SNTG2: variants seen among roughly 807,000 people sequenced by gnomAD.
The protein encoded by SNTG2 is syntrophin gamma 2.
A neutral mutation model predicts 70.9 loss-of-function variants in SNTG2; 74 were observed. That is an observed-to-expected ratio of 1.04 (90% CI 0.86 to 1.27). The LOEUF (loss-of-function observed/expected upper bound fraction) is 1.27, where lower values mean the gene tolerates loss of function less well. Ranked by LOEUF, SNTG2 falls within the 50% of genes most tolerant of loss-of-function variation. The pLI is 0.00. For synonymous variants in SNTG2, 278 were observed against 273.8 expected (o/e 1.02, Z -0.15); for missense variants, 717 against 690.7 (o/e 1.04, Z -0.43).
chr2:1,296,386 G>A (rs1199944898), intron 14 of SNTG2, among the ~76,000 whole-genome samples: 2 of 152,226 alleles, frequency 1.3e-5, no homozygotes, highest in East Asian at 1.9e-4. Context: ...AGAGTGAGGG[G>A]CAGAGGGTTG....
At chr2:1,294,737 G>C (rs954795698) in intron 14 of SNTG2, among the ~76,000 whole-genome samples, 6 of 151,750 alleles carry the variant, frequency 4.0e-5, no homozygotes, top group African/African-American at 1.5e-4. Context: ...ATTAACATAT[G>C]ATGAGAAATT....
At chr2:1,175,139 T>C (rs979531533) in intron 8 of SNTG2, among the ~76,000 whole-genome samples, 1 of 152,222 alleles carries the variant, frequency 6.6e-6, no homozygotes, top group Non-Finnish European at 1.5e-5. Context: ...TGAGATCTGC[T>C]TTTATTAAAG....
At chr2:1,159,936 A>G (rs1295408959) in intron 6 of SNTG2, among the ~76,000 whole-genome samples, 1 of 152,238 alleles carries the variant, frequency 6.6e-6, no homozygotes, top group East Asian at 1.9e-4. Flanking sequence ...AGGATTGAGG[A>G]TTCATTGAAG....
At chr2:1,127,821 T>C (rs1276753099) in intron 4 of SNTG2, among the ~76,000 whole-genome samples, 1 of 152,226 alleles carries the variant, frequency 6.6e-6, no homozygotes, top group Non-Finnish European at 1.5e-5. Flanking sequence ...TCTGTAACTT[T>C]ACTGAATTCA....
At chr2:1,096,477 C>T (rs148433288) in intron 2 of SNTG2, among the ~76,000 whole-genome samples, 5 of 152,072 alleles carry the variant, frequency 3.3e-5, no homozygotes, top group Admixed American at 6.5e-5. Context: ...TGGCCTGCAC[C>T]TCCGCCCCCC....
chr2:1,044,959 A>T (rs1416835901), intron 1 of SNTG2, among the ~76,000 whole-genome samples: 1 of 151,862 alleles, frequency 6.6e-6, no homozygotes, highest in African/African-American at 2.4e-5. Context: ...TAGCGTTGGT[A>T]CCAGCTCTTA....
chr2:1,189,508 G>C (rs115641477), intron 8 of SNTG2, among the ~76,000 whole-genome samples: 1,695 of 152,000 alleles, frequency 0.011, 30 homozygotes, highest in African/African-American at 0.039. Context: ...ACAGCATTCA[G>C]GATCACGTGA....
At chr2:1,017,074 A>C (rs1659918018) in intron 1 of SNTG2, among the ~76,000 whole-genome samples, 1 of 150,962 alleles carries the variant, frequency 6.6e-6, no homozygotes, top group African/African-American at 2.5e-5. Context: ...ACAGAAAAAG[A>C]AAATCTTGTG....
Position 1,051,890 on chromosome 2 carries a change from G to A in SNTG2, c.73-31628G>A, listed in dbSNP as rs544018254. ...TCCTGACATTCAGAGGCTGTTGGTT[G>A]TTGGATATTTTATTACACAACATTA... On this transcript the variant is annotated intron_variant, in intron 1 of 16. Transcript: ENST00000308624. 4.7e-4 allele frequency among the ~76,000 whole-genome samples: 71 copies of A among 152,312 alleles called. 1 individual carries two copies. In the South Asian group the frequency reaches 7.9e-3, roughly 17 times the overall value.
At chr2:1,194,250 G>T (rs112710248) in intron 8 of SNTG2, among the ~76,000 whole-genome samples, 15 of 152,326 alleles carry the variant, frequency 9.8e-5, no homozygotes, top group African/African-American at 2.9e-4. Flanking sequence ...CAGGATGGGG[G>T]GAGAAGCGCT....
At chr2:1,176,162 A>G (rs34229442) in intron 8 of SNTG2, among the ~76,000 whole-genome samples, 14,144 of 152,304 alleles carry the variant, frequency 0.093, 756 homozygotes, top group Middle Eastern at 0.16. Flanking sequence ...AGTTATTCAT[A>G]TGGTTAGCTC....
Position 1,271,658 on chromosome 2 carries a change from C to G in SNTG2, c.1284+4087C>G, listed in dbSNP as rs184694379. Among the ~76,000 whole-genome samples, 291 of 152,186 alleles carry G rather than the reference C, an allele frequency of 1.9e-3. 2 individuals carry two copies. Among genetic ancestry groups the G allele is most frequent in the African/African-American group, 6.8e-3 (283 of 41,530 alleles). On this transcript the variant is annotated intron_variant, in intron 14 of 16. Coordinates refer to ENST00000308624, the MANE Select transcript of SNTG2 (RefSeq NM_018968.4). ...GTCTAGATTGTGCCTCGGTGTGGCT[C>G]CCCTCCCAGTCATAAGATGCTTGTG...
At chr2:1,141,747 G>A (rs573487494) in intron 6 of SNTG2, among the ~76,000 whole-genome samples, 4 of 151,912 alleles carry the variant, frequency 2.6e-5, no homozygotes, top group East Asian at 2.0e-4. Flanking sequence ...CCAACGTGGA[G>A]GTTCCACCAG....
At chr2:1,131,437 T>C (rs528820609) in intron 4 of SNTG2, among the ~76,000 whole-genome samples, 33 of 152,298 alleles carry the variant, frequency 2.2e-4, no homozygotes, top group Admixed American at 2.0e-3. Context: ...TCCATTTGAC[T>C]TCCATCCTGT....
chr2:1,052,711 CTTTCG>C (rs750864770), intron 1 of SNTG2, among the ~76,000 whole-genome samples: 10 of 152,196 alleles, frequency 6.6e-5, no homozygotes, highest in Non-Finnish European at 1.3e-4. Context: ...TTCTGCCATC[CTTTCG>C]TGGAAGCAGG....
At chr2:1,244,425 G>A (rs577055020) in intron 11 of SNTG2, among the ~76,000 whole-genome samples, 9 of 152,154 alleles carry the variant, frequency 5.9e-5, no homozygotes, top group South Asian at 2.1e-4. Context: ...GGCCGGGCGC[G>A]GGGGCTCACG....
intron 4 of SNTG2, among the ~76,000 whole-genome samples, chr2:1,121,039 A>G (rs1287715741): frequency 3.3e-5 from 5 of 151,928 alleles, no homozygotes; most frequent in Admixed American, 1.3e-4. Context: ...TTGTATTGCA[A>G]TTCTATCTAG....
chr2:979,680 A>G (rs1661037717), intron 1 of SNTG2, among the ~76,000 whole-genome samples: 1 of 152,130 alleles, frequency 6.6e-6, no homozygotes, highest in South Asian at 2.1e-4. Flanking sequence ...TTAAAAAGAC[A>G]TTTGCTTTTC....
chr2:992,632 T>G (rs1009770230), intron 1 of SNTG2, among the ~76,000 whole-genome samples: 1 of 152,216 alleles, frequency 6.6e-6, no homozygotes, highest in Admixed American at 6.5e-5. Context: ...AGAGTGAGAT[T>G]AGGACCAGGA....
Sources: gnomAD v4.1 joint callset for allele counts (sites outside exome capture counted in the v4.1 genomes callset) on GRCh38, gnomAD v4.1.1 for gene constraint, MANE v1.5 for transcripts, NCBI Gene and HGNC (gene_info 2026-07-23, HGNC 2026-07-21) for gene names.